Variants in PRKCZ observed in about 807,000 individuals in gnomAD.
PRKCZ encodes the protein protein kinase C zeta type.
A neutral mutation model predicts 79.5 loss-of-function variants in PRKCZ; 33 were observed. The observed-to-expected ratio is 0.41, with a 90% CI of 0.31 to 0.55. The LOEUF is 0.55. Ranked by LOEUF, PRKCZ falls within the 20% of genes least tolerant of loss-of-function variation. PRKCZ has a pLI of 0.19. For missense variants in PRKCZ, 578 were observed against 813.5 expected, an observed-to-expected ratio of 0.71 and a Z score of 3.52; for synonymous variants, 342 against 320.9, an observed-to-expected ratio of 1.07 and a Z score of -0.70.
intron 4 of PRKCZ, among the ~76,000 whole-genome samples, chr1:2,107,829 G>A (rs1433056798): frequency 1.3e-5 from 2 of 148,288 alleles, no homozygotes; most frequent in Non-Finnish European, 3.0e-5. Flanking sequence ...CACCCCAACA[G>A]CGTCCAGGGA....
rs983743745 is a variant in PRKCZ at position 2,177,570 on chromosome 1, C to T, written c.1575+2257C>T. On this transcript the variant is annotated intron_variant, in intron 16 of 17. Transcript: ENST00000378567. The surrounding 1 kb of genome is among the most constrained non-coding windows in gnomAD (Gnocchi z 6.4). ...CCTTCTCTTCGGAGCACTGTCTAAT[C>T]TGAGTGTGAGTCCAACCCTGCCCGA... Among the ~76,000 whole-genome samples, 1 of 152,208 alleles carries T rather than the reference C, an allele frequency of 6.6e-6. No homozygotes were observed. Among genetic ancestry groups the T allele is most frequent in the Admixed American group, 6.5e-5 (1 of 15,292 alleles).
At chr1:2,109,863 G>A (rs1343480483) in intron 4 of PRKCZ, among the ~76,000 whole-genome samples, 7 of 152,374 alleles carry the variant, frequency 4.6e-5, no homozygotes, top group Admixed American at 3.3e-4. Context: ...GGAGCCGGGC[G>A]AGAGAGGGCC....
At chr1:2,181,665 C>T in intron 16 of PRKCZ, 1 of 346,918 alleles carries the variant, frequency 2.9e-6, no homozygotes, top group Middle Eastern at 1.0e-3. Context: ...CTTGAGCCCT[C>T]GGAGCAGAGA....
At chr1:2,115,040 A>G (rs1571500207) in intron 4 of PRKCZ, among the ~76,000 whole-genome samples, 1 of 152,304 alleles carries the variant, frequency 6.6e-6, no homozygotes, top group Middle Eastern at 3.4e-3. Context: ...ACGCGGGGCC[A>G]CCCCCACACC....
chr1:2,096,525 C>T lies in PRKCZ; in HGVS notation c.334+36934C>T, dbSNP rs539063794. Among the ~76,000 whole-genome samples, 4 of 152,270 alleles carry T rather than the reference C, an allele frequency of 2.6e-5. No homozygotes were observed. The East Asian group carries it at 7.7e-4, about 29-fold the overall frequency. On this transcript the variant is annotated intron_variant, in intron 4 of 17. Transcript: ENST00000378567. ...GTGTAAAAACAGCGCCAAGCGTGTC[C>T]TCGGTGGGCGCTCAGAGGCGGTTGT...
At chr1:2,108,141 G>T (rs1367980008) in intron 4 of PRKCZ, among the ~76,000 whole-genome samples, 1 of 152,266 alleles carries the variant, frequency 6.6e-6, no homozygotes, top group East Asian at 1.9e-4. Context: ...CAGAGAAAAG[G>T]CATCGAGGTA....
At position 2,173,315 on chromosome 1, in the gene PRKCZ, C is replaced by G. The variant is rs577361922; in HGVS notation, c.1286-582C>G. 6.0e-4 allele frequency among the ~76,000 whole-genome samples: 91 copies of G among 152,192 alleles called. No individual in the cohort carries two copies. The highest frequency in any genetic ancestry group is 1.1e-3 in the Non-Finnish European group (72 of 68,018). On this transcript the variant is annotated intron_variant, in intron 13 of 17. Transcript: ENST00000378567. The surrounding 1 kb of genome is among the most constrained non-coding windows in gnomAD (Gnocchi z 5.7). The stretch of plus-strand genomic sequence containing the variant: ...GGAGGACTGGAATATAGTCTAGAAC[C>G]CAGCTTGGGATGGGGATTCCGTGTG...
chr1:2,180,121 G>A (rs976678314), intron 16 of PRKCZ, among the ~76,000 whole-genome samples: 8 of 152,298 alleles, frequency 5.3e-5, no homozygotes, highest in South Asian at 2.1e-4. Context: ...CTGTGTGGCC[G>A]TAAAATTCTC....
At chr1:2,129,599 G>A (rs1462629848) in intron 4 of PRKCZ, among the ~76,000 whole-genome samples, 1 of 152,192 alleles carries the variant, frequency 6.6e-6, no homozygotes, top group Non-Finnish European at 1.5e-5. Context: ...AATTGTAACA[G>A]TGTAGCAGGC....
rs189957227 is a variant in PRKCZ at position 2,126,648 on chromosome 1, G to A, written c.335-8614G>A. Reference sequence around the variant, plus strand: ...CTTGGGGCATCAGAGCCACCCATGAGGGCAGCTGGATGCAGCGGCCACAGC... The same window carrying A: ...CTTGGGGCATCAGAGCCACCCATGAAGGCAGCTGGATGCAGCGGCCACAGC... On this transcript the variant is annotated intron_variant, in intron 4 of 17. Coordinates refer to ENST00000378567, the MANE Select transcript of PRKCZ (RefSeq NM_002744.6). 3.3e-5 allele frequency among the ~76,000 whole-genome samples: 5 copies of A among 152,334 alleles called. No individual in the cohort carries two copies. In the East Asian group the frequency reaches 9.6e-4, roughly 29 times the overall value.
At chr1:2,118,203 G>A (rs1434295927) in intron 4 of PRKCZ, among the ~76,000 whole-genome samples, 1 of 151,248 alleles carries the variant, frequency 6.6e-6, no homozygotes, top group Non-Finnish European at 1.5e-5. Context: ...CACCATGTTG[G>A]CCAAGCTGGT....
At position 2,150,988 on chromosome 1, in the gene PRKCZ, G is replaced by T. The variant is rs770386296; in HGVS notation, c.876+10G>T. ...GGTGCATGATGACGAGGTAGGTGCC[G>T]CTTCTCATGGGGCCCGGGGGCCCGG... is the stretch of plus-strand genomic sequence containing the variant. On this transcript the variant is annotated intron_variant, in intron 9 of 17. Transcript: ENST00000378567. 1 of 1,612,398 alleles carries T rather than the reference G, an allele frequency of 6.2e-7. No individual in the cohort carries two copies. Among genetic ancestry groups the T allele is most frequent in the Non-Finnish European group, 8.5e-7 (1 of 1,179,654 alleles).
At position 2,061,516 on chromosome 1, in the gene PRKCZ, G is replaced by A. The variant is rs539835364; in HGVS notation, c.334+1925G>A. ...AATGCGGAGAATGTGGCCAAGCCCC[G>A]AGGAAGGACCTCCTGGGACACGTGA... On this transcript the variant is annotated intron_variant, in intron 4 of 17. Coordinates refer to ENST00000378567, the MANE Select transcript of PRKCZ (RefSeq NM_002744.6). 5.3e-4 allele frequency among the ~76,000 whole-genome samples: 81 copies of A among 152,276 alleles called. 2 individuals are homozygous for A. The South Asian group carries it at 7.7e-3, about 14-fold the overall frequency.
chr1:2,102,332 T>TTTGTC (rs1667582153), intron 4 of PRKCZ, among the ~76,000 whole-genome samples: 1 of 151,748 alleles, frequency 6.6e-6, no homozygotes, highest in Non-Finnish European at 1.5e-5. Flanking sequence ...TTTTGTTTGT[T>TTTGTC]TTGTTTTGTT....
chr1:2,122,897 T>C (rs796891386), intron 4 of PRKCZ, among the ~76,000 whole-genome samples: 7 of 3,952 alleles, frequency 1.8e-3, no homozygotes, highest in African/African-American at 8.3e-3. Flanking sequence ...AGGGTCACGG[T>C]GGTAGTTAGG....
intron 9 of PRKCZ, among the ~76,000 whole-genome samples, chr1:2,155,219 G>A (rs1408064765): frequency 1.3e-5 from 2 of 152,080 alleles, no homozygotes; most frequent in African/African-American, 4.8e-5. Flanking sequence ...CGGTGATGAT[G>A]GTGATGGCGA....
At chr1:2,105,156 A>C (rs1229968554) in intron 4 of PRKCZ, among the ~76,000 whole-genome samples, 2 of 152,174 alleles carry the variant, frequency 1.3e-5, no homozygotes, top group African/African-American at 4.8e-5. Flanking sequence ...TCACTGCGTC[A>C]CGGCCATGCT....
chr1:2,053,062 G>A (rs977522323), intron 1 of PRKCZ, among the ~76,000 whole-genome samples: 14 of 151,572 alleles, frequency 9.2e-5, no homozygotes, highest in African/African-American at 3.2e-4. Context: ...TCAGATGCCC[G>A]CTCTTCTAGG....
chr1:2,141,474 T>TA (rs1677309440), intron 5 of PRKCZ: 1 of 152,078 alleles, frequency 6.6e-6, no homozygotes, highest in African/African-American at 2.4e-5. Context: ...GCCTCCCGAG[T>TA]AGCTGGGATT....
Sources: gnomAD v4.1 joint callset for allele counts (sites outside exome capture counted in the v4.1 genomes callset) on GRCh38, gnomAD v4.1.1 for gene constraint, Gnocchi (gnomAD v3.1) non-coding constraint, MANE v1.5 for transcripts, NCBI Gene and HGNC (gene_info 2026-07-23, HGNC 2026-07-21) for gene names.